Variants in CREM observed in about 807,000 individuals in gnomAD.
CREM encodes cAMP-responsive element modulator.
A neutral mutation model predicts 37.3 loss-of-function variants in CREM; 13 were observed. That is an observed-to-expected ratio of 0.35 (90% CI 0.23 to 0.55). The LOEUF is 0.55. CREM is among the 20% of genes least tolerant of loss of function. CREM has a pLI of 0.88. For synonymous variants in CREM, 124 were observed against 120.2 expected, an observed-to-expected ratio of 1.03 and a Z score of -0.21; for missense variants, 296 against 362.3, an observed-to-expected ratio of 0.82 and a Z score of 1.49.
At chr10:35,175,774 G>C in intron 3 of CREM, 1 of 1,613,984 alleles carries the variant, frequency 6.2e-7, no homozygotes, top group South Asian at 1.1e-5. Context: ...TCATATTAGT[G>C]AGTGGTATTA....
intron 3 of CREM, chr10:35,175,781 A>G: frequency 1.2e-6 from 2 of 1,613,836 alleles, no homozygotes; most frequent in Admixed American, 1.7e-5. Context: ...AGTGAGTGGT[A>G]TTACTTAAAA....
At chr10:35,146,628 T>TA (rs1420558464) in intron 2 of CREM, among the ~76,000 whole-genome samples, 1 of 152,186 alleles carries the variant, frequency 6.6e-6, no homozygotes, top group Admixed American at 6.5e-5. Flanking sequence ...TCTGGGAAGT[T>TA]ATAAGAAAAG....
At chr10:35,172,184 T>C (rs1196370517) in intron 3 of CREM, among the ~76,000 whole-genome samples, 5 of 152,218 alleles carry the variant, frequency 3.3e-5, no homozygotes, top group African/African-American at 4.8e-5. Flanking sequence ...TTTGCCAGTC[T>C]CTGACACATG....
At chr10:35,198,028 T>C (rs569212614) in intron 6 of CREM, among the ~76,000 whole-genome samples, 6 of 152,330 alleles carry the variant, frequency 3.9e-5, no homozygotes, top group South Asian at 4.1e-4. Context: ...TTACAAAATA[T>C]GATGTACCCA....
intron 3 of CREM, among the ~76,000 whole-genome samples, chr10:35,163,974 C>CAAA (rs758523194): frequency 9.4e-4 from 104 of 110,776 alleles, no homozygotes; most frequent in African/African-American, 3.3e-3. Flanking sequence ...GAACCTATCT[C>CAAA]AAAAAAAAAA....
intron 6 of CREM, among the ~76,000 whole-genome samples, chr10:35,201,709 T>G (rs1001574394): frequency 5.9e-5 from 9 of 152,224 alleles, no homozygotes; most frequent in African/African-American, 2.2e-4. Flanking sequence ...CGCCTTTGCT[T>G]TTAAAATGCT....
intron 1 of CREM, among the ~76,000 whole-genome samples, chr10:35,132,783 T>C (rs1289488896): frequency 6.6e-6 from 1 of 152,226 alleles, no homozygotes; most frequent in South Asian, 2.1e-4. Flanking sequence ...ATTGCAGCTA[T>C]ATGGCTGTTT....
intron 2 of CREM, among the ~76,000 whole-genome samples, chr10:35,142,156 A>G (rs1039365927): frequency 6.6e-6 from 1 of 152,080 alleles, no homozygotes; most frequent in African/African-American, 2.4e-5. Flanking sequence ...AGGGGAAGAG[A>G]GGTTCAAGGG....
At chr10:35,173,627 G>A (rs1311530304) in intron 3 of CREM, among the ~76,000 whole-genome samples, 2 of 152,110 alleles carry the variant, frequency 1.3e-5, no homozygotes, top group East Asian at 1.9e-4. Flanking sequence ...AACCAGTGGT[G>A]TGCACAGCTG....
intron 2 of CREM, among the ~76,000 whole-genome samples, chr10:35,141,916 CAG>C: frequency 6.6e-6 from 1 of 152,158 alleles, no homozygotes; most frequent in Admixed American, 6.5e-5. Flanking sequence ...AACGCTGAGA[CAG>C]TGTTCAAGAA....
intron 5 of CREM, among the ~76,000 whole-genome samples, chr10:35,187,876 A>G (rs1225512410): frequency 6.6e-6 from 1 of 152,214 alleles, no homozygotes; most frequent in African/African-American, 2.4e-5. Context: ...GGAGAAAACC[A>G]GGAAGCTGGA....
At chr10:35,171,729 CA>C (rs1279711284) in intron 3 of CREM, among the ~76,000 whole-genome samples, 4 of 152,142 alleles carry the variant, frequency 2.6e-5, no homozygotes, top group Non-Finnish European at 5.9e-5. Context: ...GCTATAGTTT[CA>C]AGTACATTGT....
chr10:35,127,765 C>T (rs1035209986), intron 1 of CREM, among the ~76,000 whole-genome samples: 1 of 152,226 alleles, frequency 6.6e-6, no homozygotes, highest in African/African-American at 2.4e-5. Flanking sequence ...GCGCATTTTC[C>T]CTTCTGCCTG....
intron 3 of CREM, among the ~76,000 whole-genome samples, chr10:35,172,769 G>C (rs980438113): frequency 1.3e-5 from 2 of 152,160 alleles, no homozygotes; most frequent in African/African-American, 4.8e-5. Context: ...TGTGTTATTT[G>C]AGTGCCAAGA....
intron 2 of CREM, among the ~76,000 whole-genome samples, chr10:35,144,352 T>C (rs1408462398): frequency 6.6e-6 from 1 of 152,152 alleles, no homozygotes; most frequent in Non-Finnish European, 1.5e-5. Context: ...GACACACGAT[T>C]CTAGCTTTGG....
intron 3 of CREM, among the ~76,000 whole-genome samples, chr10:35,165,172 C>T (rs929301108): frequency 3.3e-5 from 5 of 151,834 alleles, no homozygotes; most frequent in African/African-American, 9.7e-5. Flanking sequence ...AGAAGCATGG[C>T]ACCAGTATCT....
chr10:35,171,588 T>C (rs559236656), intron 3 of CREM, among the ~76,000 whole-genome samples: 33 of 152,230 alleles, frequency 2.2e-4, no homozygotes, highest in Non-Finnish European at 4.0e-4. Context: ...ATTGTTTTTC[T>C]GTTCTCCATA....
chr10:35,164,005 T>C (rs2093421329), intron 3 of CREM, among the ~76,000 whole-genome samples: 1 of 151,802 alleles, frequency 6.6e-6, no homozygotes, highest in Non-Finnish European at 1.5e-5. Flanking sequence ...AGAGCCCTAA[T>C]TTATACATGT....
At chr10:35,141,440 G>A (rs2091413906) in intron 2 of CREM, among the ~76,000 whole-genome samples, 3 of 152,188 alleles carry the variant, frequency 2.0e-5, no homozygotes, top group African/African-American at 7.2e-5. Context: ...TTCTTTAGAA[G>A]GTAGAATCAT....
Sources: allele counts gnomAD v4.1 joint callset (sites outside exome capture counted in the v4.1 genomes callset), GRCh38; gene constraint gnomAD v4.1.1; transcripts MANE v1.5; gene names NCBI Gene and HGNC (gene_info 2026-07-23, HGNC 2026-07-21).